Variants in CSMD2 observed in about 807,000 individuals in gnomAD.
The protein encoded by CSMD2 is CUB and sushi domain-containing protein 2.
In CSMD2, 130 loss-of-function variants were observed where a neutral mutation model predicts 398.5. That is an observed-to-expected ratio of 0.33 (90% confidence interval 0.28 to 0.38). The LOEUF is 0.38. CSMD2 is among the 10% of genes least tolerant of loss of function. The pLI, the probability that CSMD2 is intolerant of heterozygous loss-of-function variation, is 1.00. For missense variants in CSMD2, 3,829 were observed against 4,764.9 expected (o/e 0.80, Z 5.78); for synonymous variants, 1,828 against 1,908.5 (o/e 0.96, Z 1.10).
Position 33,975,486 on chromosome 1 carries a change from T to TACACACACACACACACACAC in CSMD2, c.518-39552_518-39533dup, listed in dbSNP as rs57095754. Among the ~76,000 whole-genome samples, 632 of 146,444 alleles carry TACACACACACACACACACAC rather than the reference T, an allele frequency of 4.3e-3. 4 individuals carry two copies. The highest frequency in any genetic ancestry group is 0.013 in the African/African-American group (500 of 39,764). On this transcript the variant is annotated intron_variant, in intron 3 of 70. Coordinates refer to ENST00000373381, the MANE Select transcript of CSMD2 (RefSeq NM_001281956.2). ...CCACAGATCCTCCCTCTCCCAAGTG[T>TACACACACACACACACACAC]ACACACACACACACACACACACACA...
chr1:34,003,963 T>C (rs1228147590), intron 3 of CSMD2, among the ~76,000 whole-genome samples: 1 of 152,230 alleles, frequency 6.6e-6, no homozygotes, highest in Non-Finnish European at 1.5e-5. Flanking sequence ...CATGTGGCTC[T>C]GTGCAGACTC....
intron 10 of CSMD2, 120 bp from the exon 11 acceptor site, chr1:33,792,646 T>G: frequency 1.4e-6 from 1 of 692,562 alleles, no homozygotes. Flanking sequence ...GGTGACACCA[T>G]CCTAAACAAA....
At chr1:34,142,585 CCT>C (rs1352583422) in intron 1 of CSMD2, among the ~76,000 whole-genome samples, 1 of 152,158 alleles carries the variant, frequency 6.6e-6, no homozygotes, top group African/African-American at 2.4e-5. Context: ...AGAATGGCCC[CCT>C]CTCTCCATCT....
At chr1:33,894,481 G>A (rs1440989643) in intron 5 of CSMD2, among the ~76,000 whole-genome samples, 6 of 152,128 alleles carry the variant, frequency 3.9e-5, no homozygotes, top group Admixed American at 2.0e-4. Flanking sequence ...TCAGGAATTG[G>A]TGTATAAATA....
intron 5 of CSMD2, 97 bp from the exon 6 acceptor site, chr1:33,847,093 G>A (rs1411786281): frequency 2.7e-6 from 2 of 744,752 alleles, no homozygotes; most frequent in Non-Finnish European, 4.3e-6. Context: ...GAGTGCCAAG[G>A]CCTCAGCCCA....
rs1487352902 is a variant in CSMD2 at position 33,533,207 on chromosome 1, C to G, written c.10014G>C (p.Glu3338Asp). 6.2e-7 allele frequency: 1 copy of G among 1,613,846 alleles called. No homozygotes were observed. The highest frequency in any genetic ancestry group is 1.3e-5 in the African/African-American group (1 of 74,936). ...DCVPHHCRQPETPTHANVGAL... is the reference protein window; with the variant it reads ...DCVPHHCRQPDTPTHANVGAL... ...CCCCGACGTTGGCATGCGTTGGCGT[C>G]TCTGGCTGCCTGCAGTGGTGGGCTG... The change falls in exon 64 of 71, where the codon GAG (glutamate) becomes GAC (aspartate). Residue 3338 changes from glutamate (E) to aspartate (D), a missense_variant. Coordinates refer to ENST00000373381, the MANE Select transcript of CSMD2 (RefSeq NM_001281956.2). The surrounding 1 kb of genome is among the most constrained non-coding windows in gnomAD (Gnocchi z 4.2).
In CSMD2 at chr1:34,097,232, C is replaced by A. The variant is rs76510337; in HGVS notation, c.188-8039G>T. On this transcript the variant is annotated intron_variant, in intron 1 of 70. Coordinates refer to ENST00000373381, the MANE Select transcript of CSMD2 (RefSeq NM_001281956.2). Reference sequence around the variant, plus strand: ...ATATGTAGAAAGCTGAAAGTGGATCCCTTCTTTACACCTTATACAAAAATC... The same window carrying A: ...ATATGTAGAAAGCTGAAAGTGGATCACTTCTTTACACCTTATACAAAAATC... 2.4e-4 allele frequency among the ~76,000 whole-genome samples: 37 copies of A among 151,128 alleles called. 1 individual carries two copies. The highest frequency in any genetic ancestry group is 8.3e-4 in the African/African-American group (34 of 40,840).
intron 3 of CSMD2, among the ~76,000 whole-genome samples, chr1:33,952,962 G>A (rs916062398): frequency 2.0e-5 from 3 of 152,146 alleles, no homozygotes; most frequent in Non-Finnish European, 4.4e-5. Flanking sequence ...TAAACATTCC[G>A]TAAGGCATTG....
intron 15 of CSMD2, among the ~76,000 whole-genome samples, chr1:33,733,593 C>T (rs530012911): frequency 1.4e-4 from 22 of 152,214 alleles, no homozygotes; most frequent in African/African-American, 1.9e-4. Context: ...ATAATCCCTG[C>T]GTGTCAAGGG....
chr1:33,934,833 GAA>G (rs10552121), intron 4 of CSMD2, among the ~76,000 whole-genome samples: 10,732 of 109,518 alleles, frequency 0.098, 1,597 homozygotes, highest in African/African-American at 0.34. Flanking sequence ...CTGTCTCCAT[GAA>G]AAAAAAAAAA....
intron 6 of CSMD2, among the ~76,000 whole-genome samples, chr1:33,829,000 A>G (rs1238605390): frequency 2.0e-5 from 3 of 152,224 alleles, no homozygotes; most frequent in African/African-American, 7.2e-5. Flanking sequence ...TCCATAATGT[A>G]CATATGAACT....
chr1:33,749,256 G>A (rs1054005088), intron 13 of CSMD2, among the ~76,000 whole-genome samples: 6 of 151,680 alleles, frequency 4.0e-5, no homozygotes, highest in Admixed American at 2.0e-4. Context: ...CTGCCACCTC[G>A]CCCGGCTAAT....
Position 33,624,502 on chromosome 1 carries a change from C to A in CSMD2, c.5625+17G>T. The A allele has an allele frequency of 6.2e-7, 1 of 1,611,478 alleles. No homozygotes were observed. Among genetic ancestry groups the A allele is most frequent in the East Asian group, 2.2e-5 (1 of 44,804 alleles). ...CAGACGGCCACCTGCCCGACCGAGGCGCCCCCTTGCCCCTACCTGGATGCC... is the reference window on the plus strand; with the variant it reads ...CAGACGGCCACCTGCCCGACCGAGGAGCCCCCTTGCCCCTACCTGGATGCC... On this transcript the variant is annotated intron_variant, in intron 35 of 70. Coordinates refer to ENST00000373381, the MANE Select transcript of CSMD2 (RefSeq NM_001281956.2). This position sits in a 1 kb window ranked among gnomAD's most constrained non-coding sequence, Gnocchi z 4.7.
rs148266857 is a variant in CSMD2, at chr1:33,827,728, G to C, written c.1034-1954C>G. On this transcript the variant is annotated intron_variant, in intron 6 of 70. Transcript: ENST00000373381. ...CTTATACTTTCAACAACCTTGACTG[G>C]TAGTTATTATACCTACTCAATAGAT... Among the ~76,000 whole-genome samples the C allele has an allele frequency of 5.8e-3, 890 of 152,228 alleles. 8 individuals carry two copies. The highest frequency in any genetic ancestry group is 0.021 in the African/African-American group (863 of 41,522).
At chr1:34,086,473 A>C (rs549244046) in intron 2 of CSMD2, among the ~76,000 whole-genome samples, 1 of 152,312 alleles carries the variant, frequency 6.6e-6, no homozygotes, top group Admixed American at 6.5e-5. Context: ...GCCAAACTGA[A>C]TCTTAACTTC....
intron 46 of CSMD2, among the ~76,000 whole-genome samples, chr1:33,585,241 C>G (rs927423957): frequency 6.6e-6 from 1 of 152,106 alleles, no homozygotes; most frequent in Admixed American, 6.5e-5. Flanking sequence ...TTCTGGGACA[C>G]TGCTAAAAGG....
chr1:34,132,265 C>G (rs549864341), intron 1 of CSMD2, among the ~76,000 whole-genome samples: 89 of 152,230 alleles, frequency 5.8e-4, no homozygotes, highest in African/African-American at 2.1e-3. Context: ...CCTTAGTCAG[C>G]TTTCCCTTCC....
intron 1 of CSMD2, among the ~76,000 whole-genome samples, chr1:34,150,051 G>C (rs1640143598): frequency 6.6e-6 from 1 of 151,288 alleles, no homozygotes; most frequent in Non-Finnish European, 1.5e-5. Context: ...ATCAGAGGAA[G>C]ACCTGGAAAT....
Position 33,537,589 on chromosome 1 carries a change from C to T in CSMD2, c.9652G>A (p.Gly3218Ser). The change falls in exon 61 of 71, where the codon GGT becomes AGT. Residue 3218 changes from glycine (G) to serine (S), a missense_variant. By Grantham distance (56) the Gly-to-Ser change is moderately conservative (BLOSUM62 0). Around this residue, in one of 5 missense-constraint regions of CSMD2, gnomAD observed 917 missense variants for 1,199.5 expected, o/e 0.76. Transcript: ENST00000373381. The surrounding 1 kb of genome is among the most constrained non-coding windows in gnomAD (Gnocchi z 4.6). ...QCFPVFCGDP[G>S]VPSRGRREDR... ...TCTCTCCTCCCACGGGACGGGACAC[C>T]AGGATCCCCGCAGAACACAGCTGGG... 1 of 1,613,686 alleles carries T rather than the reference C, an allele frequency of 6.2e-7. No homozygotes were observed. The highest frequency in any genetic ancestry group is 8.5e-7 in the Non-Finnish European group (1 of 1,179,768).
Sources: gnomAD v4.1 joint callset for allele counts (sites outside exome capture counted in the v4.1 genomes callset) on GRCh38, gnomAD v4.1.1 for gene constraint, gnomAD v4.1.1 regional missense constraint, Gnocchi (gnomAD v3.1) non-coding constraint, MANE v1.5 for transcripts, NCBI Gene and HGNC (gene_info 2026-07-23, HGNC 2026-07-21) for gene names.